STAM2: variants seen among roughly 807,000 people sequenced by gnomAD.
The protein encoded by STAM2 is signal transducing adaptor molecule 2.
A neutral mutation model predicts 65.6 loss-of-function variants in STAM2; 51 were observed. The observed-to-expected ratio is 0.78, with a 90% confidence interval of 0.62 to 0.98. STAM2 has a LOEUF of 0.98. Ranked by LOEUF, STAM2 falls within the 50% of genes least tolerant of loss-of-function variation. The pLI is 0.00. For synonymous variants in STAM2, 198 were observed against 208.4 expected, an observed-to-expected ratio of 0.95 and a Z score of 0.43; for missense variants, 584 against 617.8, an observed-to-expected ratio of 0.95 and a Z score of 0.58.
chr2:152,126,436 A>T, intron 11 of STAM2, 57 bp from the exon 12 acceptor site: 2 of 1,085,138 alleles, frequency 1.8e-6, no homozygotes, highest in Non-Finnish European at 2.4e-6. Context: ...GTATTTAGTA[A>T]TATAAATTAT....
intron 13 of STAM2, 139 bp downstream of exon 13, chr2:152,123,627 C>T (rs777996662): frequency 2.4e-5 from 21 of 871,400 alleles, no homozygotes; most frequent in Non-Finnish European, 3.7e-5. Context: ...GGTAGCAAAG[C>T]TAAGGTAACA....
intron 8 of STAM2, among the ~76,000 whole-genome samples, chr2:152,134,261 C>T (rs556402789): frequency 3.2e-4 from 48 of 152,272 alleles, no homozygotes; most frequent in African/African-American, 1.1e-3. Context: ...GTCAGCATAA[C>T]ACAAGGATAA....
chr2:152,153,883 CAT>C (rs1579327499), intron 1 of STAM2, among the ~76,000 whole-genome samples: 1 of 107,080 alleles, frequency 9.3e-6, no homozygotes, highest in South Asian at 2.9e-4. Flanking sequence ...CCAGACATTA[CAT>C]ACACACACAC....
chr2:152,127,997 G>C (rs1046405184), intron 11 of STAM2, among the ~76,000 whole-genome samples: 2 of 152,166 alleles, frequency 1.3e-5, no homozygotes, highest in African/African-American at 4.8e-5. Flanking sequence ...CCTGGACTGA[G>C]TCCTATCAAG....
chr2:152,126,156 T>C, intron 12 of STAM2, 70 bp downstream of exon 12: 2 of 1,299,672 alleles, frequency 1.5e-6, no homozygotes. Flanking sequence ...AATACTATGC[T>C]ATAAAACATT....
In STAM2 at chr2:152,150,241, A is replaced by G. The variant is rs1301252255; in HGVS notation, c.41-12T>C. On this transcript the variant is annotated splice_polypyrimidine_tract_variant and intron_variant, in intron 1 of 13. Transcript: ENST00000263904. ...ATTCGTGGCTTTTTCTATAAAATAT[A>G]TTGGCATACACAACAATGAGGACAC... The G allele has an allele frequency of 6.4e-7, 1 of 1,557,832 alleles. No individual in the cohort carries two copies. The highest frequency in any genetic ancestry group is 1.1e-5 in the South Asian group (1 of 89,434).
intron 1 of STAM2, among the ~76,000 whole-genome samples, chr2:152,163,350 C>G (rs9917346): frequency 0.018 from 2,702 of 152,262 alleles, 70 homozygotes; most frequent in African/African-American, 0.061. Flanking sequence ...CCAAATAATA[C>G]TCTTATAATT....
intron 7 of STAM2, among the ~76,000 whole-genome samples, chr2:152,139,845 CA>C (rs566207577): frequency 2.0e-5 from 3 of 151,158 alleles, no homozygotes; most frequent in East Asian, 1.9e-4. Flanking sequence ...AATAGAACAA[CA>C]AAAAAAATTT....
At chr2:152,155,528 C>T (rs1288291182) in intron 1 of STAM2, among the ~76,000 whole-genome samples, 1 of 152,164 alleles carries the variant, frequency 6.6e-6, no homozygotes, top group Admixed American at 6.5e-5. Flanking sequence ...AAGTAACTCT[C>T]CGTTTGGGAG....
chr2:152,148,431 A>G, intron 2 of STAM2, 131 bp from the exon 3 acceptor site: 1 of 717,196 alleles, frequency 1.4e-6, no homozygotes, highest in East Asian at 2.9e-5. Context: ...ACACTTCGGG[A>G]AGCCAAGGCG....
At chr2:152,135,462 G>T in intron 8 of STAM2, 47 bp downstream of exon 8, 1 of 1,311,648 alleles carries the variant, frequency 7.6e-7, no homozygotes, top group Non-Finnish European at 1.1e-6. Flanking sequence ...TAAAATTTAA[G>T]TGAAAAAAAC....
At position 152,153,795 on chromosome 2, in the gene STAM2, G is replaced by C. The variant is rs533593736; in HGVS notation, c.41-3566C>G. 5.3e-5 allele frequency among the ~76,000 whole-genome samples: 8 copies of C among 151,570 alleles called. No homozygotes were observed. The South Asian group carries it at 6.3e-4, about 12-fold the overall frequency. The stretch of plus-strand genomic sequence containing the variant: ...ATATCTAATAAATTCCATGAATTTA[G>C]AAGTACAGACAAGGAAAAACCTCCT... On this transcript the variant is annotated intron_variant, in intron 1 of 13. Transcript: ENST00000263904.
intron 8 of STAM2, 31 bp downstream of exon 8, chr2:152,135,478 T>A (rs745636650): frequency 2.7e-6 from 4 of 1,460,324 alleles, no homozygotes; most frequent in Non-Finnish European, 3.8e-6. Context: ...AAAACTTAAA[T>A]AGATCTAATG....
At chr2:152,130,392 C>T (rs1036512042) in intron 11 of STAM2, among the ~76,000 whole-genome samples, 1 of 152,010 alleles carries the variant, frequency 6.6e-6, no homozygotes, top group African/African-American at 2.4e-5. Context: ...GCTGGGACTA[C>T]AGGCCACCAC....
chr2:152,139,492 G>T (rs1689207910), intron 7 of STAM2, among the ~76,000 whole-genome samples: 1 of 152,182 alleles, frequency 6.6e-6, no homozygotes, highest in Non-Finnish European at 1.5e-5. Context: ...AGGAGTCCAG[G>T]CTGTAGCGTG....
chr2:152,132,072 C>G, intron 11 of STAM2, 42 bp downstream of exon 11: 1 of 1,429,006 alleles, frequency 7.0e-7, no homozygotes, highest in Non-Finnish European at 9.7e-7. Flanking sequence ...ACAAGTGAAC[C>G]CCCCAAAACT....
chr2:152,147,717 T>C (rs541338118), intron 4 of STAM2, among the ~76,000 whole-genome samples: 2 of 152,264 alleles, frequency 1.3e-5, no homozygotes, highest in Admixed American at 1.3e-4. Flanking sequence ...GGAATCTAAC[T>C]TCCAAGAATC....
chr2:152,173,541 C>T (rs1689943947), intron 1 of STAM2, among the ~76,000 whole-genome samples: 1 of 151,802 alleles, frequency 6.6e-6, no homozygotes, highest in African/African-American at 2.4e-5. Flanking sequence ...GGACTACAGG[C>T]ACGCGCCACC....
At chr2:152,142,399 T>A (rs1240475724) in intron 7 of STAM2, among the ~76,000 whole-genome samples, 1 of 152,210 alleles carries the variant, frequency 6.6e-6, no homozygotes, top group African/African-American at 2.4e-5. Flanking sequence ...CATAGTTGTA[T>A]AAGAGTATCA....
Sources: allele counts gnomAD v4.1 joint callset (sites outside exome capture counted in the v4.1 genomes callset), GRCh38; gene constraint gnomAD v4.1.1; transcripts MANE v1.5; gene names NCBI Gene and HGNC (gene_info 2026-07-23, HGNC 2026-07-21).